ZFP1: variants seen among roughly 807,000 people sequenced by gnomAD.
The protein encoded by ZFP1 is zinc finger protein 1 homolog.
Under a neutral mutation model 38.5 loss-of-function variants are expected in ZFP1, and 32 were observed. That is an observed-to-expected ratio of 0.83 (90% CI 0.63 to 1.12). The LOEUF is 1.12. ZFP1 is among the 50% of genes most tolerant of loss of function. The probability of loss-of-function intolerance (pLI) is 0.00; values close to 1 mark genes in which losing one functional copy is unlikely to be tolerated. For synonymous variants in ZFP1, 245 were observed against 168.8 expected (o/e 1.45, Z -3.50); for missense variants, 616 against 480.8 (o/e 1.28, Z -2.63).
At chr16:75,136,700 C>G in the ZFP1 span, among the ~76,000 whole-genome samples, 1 of 151,912 alleles carries the variant, frequency 6.6e-6, no homozygotes, top group Non-Finnish European at 1.5e-5. Context: ...GAAACCCCAT[C>G]TCCACAAAAA....
chr16:75,143,311 G>T, the ZFP1 span, among the ~76,000 whole-genome samples: 1 of 151,740 alleles, frequency 6.6e-6, no homozygotes. Flanking sequence ...GTGTGATCTG[G>T]GCTCACTGCC....
At position 75,166,037 on chromosome 16, in the gene ZFP1, TGA is replaced by T. The variant is rs559120752; in HGVS notation, c.16-731_16-730del. 7.5e-3 allele frequency among the ~76,000 whole-genome samples: 1,140 copies of T among 152,328 alleles called. 10 individuals are homozygous for T. Among genetic ancestry groups the T allele is most frequent in the Middle Eastern group, 0.027 (8 of 294 alleles). On this transcript the variant is annotated intron_variant, in intron 2 of 3. Transcript: ENST00000570010. ...TTTTCTACCATTTTTATGGCTTGAA[TGA>T]GGGGATGGAAGGACAGAGATCCTTA...
chr16:75,139,262 G>A, the ZFP1 span, among the ~76,000 whole-genome samples: 2 of 150,758 alleles, frequency 1.3e-5, no homozygotes, highest in African/African-American at 2.4e-5. Flanking sequence ...CCAGCTACTC[G>A]GGAGGCTGAG....
chr16:75,166,254 A>G (rs998842398), intron 2 of ZFP1, among the ~76,000 whole-genome samples: 2 of 152,158 alleles, frequency 1.3e-5, no homozygotes, highest in African/African-American at 4.8e-5. Flanking sequence ...TTATTTTTTG[A>G]GACAGTCTTA....
At chr16:75,119,664 G>T in the ZFP1 span, 1 of 152,170 alleles carries the variant, frequency 6.6e-6, no homozygotes, top group Non-Finnish European at 1.5e-5. Flanking sequence ...CCACTAGAAA[G>T]CTTAGTAATC....
chr16:75,127,397 GA>G, the ZFP1 span, among the ~76,000 whole-genome samples: 2 of 151,988 alleles, frequency 1.3e-5, no homozygotes, highest in African/African-American at 4.8e-5. Context: ...CTCTGTCTCA[GA>G]AAAAAAGCAT....
chr16:75,170,089 A>G lies in ZFP1; in HGVS notation c.979A>G (p.Ser327Gly). Residue 327 changes from serine (S) to glycine (G), a missense_variant, in exon 4 of 4, where the codon AGT becomes GGT. Transcript: ENST00000570010. ...CACGGGGGAGAAACGCTATGAGTGC[A>G]GTGAATGTGGAAAATCCTTTATCCA... ...IHTGEKRYEC[S>G]ECGKSFIQNS... 1.9e-6 allele frequency: 3 copies of G among 1,614,130 alleles called. No homozygotes were observed. The highest frequency in any genetic ancestry group is 1.7e-6 in the Non-Finnish European group (2 of 1,179,992).
At chr16:75,149,557 C>CTTTTTTTTTTTTTTTTTTTTT (rs34371791) in intron 1 of ZFP1, among the ~76,000 whole-genome samples, 6 of 101,792 alleles carry the variant, frequency 5.9e-5, no homozygotes, top group Non-Finnish European at 9.3e-5. Flanking sequence ...TCTTTACTTT[C>CTTTTTTTTTTTTTTTTTTTTT]TTTTTTTTTT....
chr16:75,166,983 C>CT, intron 3 of ZFP1, 87 bp downstream of exon 3: 1 of 1,530,980 alleles, frequency 6.5e-7, no homozygotes, highest in Non-Finnish European at 8.8e-7. Flanking sequence ...TTCTGAATTA[C>CT]TAAATGTTTT....
At chr16:75,152,628 C>T (rs1242644452) in intron 1 of ZFP1, among the ~76,000 whole-genome samples, 1 of 152,174 alleles carries the variant, frequency 6.6e-6, no homozygotes, top group Admixed American at 6.5e-5. Flanking sequence ...GTGTTAAATG[C>T]CCTGTCTGAT....
At position 75,171,867 on chromosome 16, in the gene ZFP1, A is replaced by G. The variant is rs1007360150; in HGVS notation, c.*1533A>G. 1.3e-5 allele frequency: 2 copies of G among 152,122 alleles called. No homozygotes were observed. Among genetic ancestry groups the G allele is most frequent in the African/African-American group, 4.8e-5 (2 of 41,446 alleles). 9.4% of individuals were successfully genotyped at this position (152,122 alleles called of 1,614,324 possible). ...TTCATAGCTGCTTTTAGAAATGTAA[A>G]TTGTAACAGCCTCCTTGGACAACAT... is the stretch of plus-strand genomic sequence containing the variant. On this transcript the variant is annotated 3_prime_UTR_variant, in exon 4 of 4. Transcript: ENST00000570010.
At chr16:75,150,933 A>G (rs796148682) in intron 1 of ZFP1, among the ~76,000 whole-genome samples, 24 of 152,228 alleles carry the variant, frequency 1.6e-4, no homozygotes, top group African/African-American at 5.8e-4. Context: ...CAGCCTCCCG[A>G]GTAGCTAGGA....
the ZFP1 span, among the ~76,000 whole-genome samples, chr16:75,131,566 G>T: frequency 6.6e-6 from 1 of 151,804 alleles, no homozygotes; most frequent in African/African-American, 2.4e-5. Context: ...ATCCTAGCTG[G>T]GTACACACTC....
intron 2 of ZFP1, among the ~76,000 whole-genome samples, chr16:75,153,443 C>G (rs532287366): frequency 6.6e-6 from 1 of 152,164 alleles, no homozygotes; most frequent in Non-Finnish European, 1.5e-5. Context: ...CTTTCCAGAG[C>G]TTATTTGTAC....
chr16:75,152,783 A>G lies in ZFP1; in HGVS notation c.-43-126A>G, dbSNP rs2037272832. 5 of 792,260 alleles carry G rather than the reference A, an allele frequency of 6.3e-6. No individual in the cohort carries two copies. The South Asian group carries it at 9.5e-5, about 15-fold the overall frequency. 49.1% of individuals were successfully genotyped at this position (792,260 alleles called of 1,614,324 possible). ...CTTTTCTGCCCCTTCTGAAGAGGCAAAGGGACTTTCCCAGGAGGTGGTATT... is the reference window on the plus strand; with the variant it reads ...CTTTTCTGCCCCTTCTGAAGAGGCAGAGGGACTTTCCCAGGAGGTGGTATT... On this transcript the variant is annotated intron_variant, in intron 1 of 3. Transcript: ENST00000570010.
chr16:75,140,997 C>G, the ZFP1 span, among the ~76,000 whole-genome samples: 2 of 151,988 alleles, frequency 1.3e-5, no homozygotes, highest in South Asian at 2.1e-4. Flanking sequence ...CTAAACTTGT[C>G]ATTCAGAACC....
chr16:75,157,617 C>T (rs1245522237), intron 2 of ZFP1, among the ~76,000 whole-genome samples: 1 of 152,084 alleles, frequency 6.6e-6, no homozygotes, highest in Non-Finnish European at 1.5e-5. Flanking sequence ...TTAGTTCTGT[C>T]AGGCTTGATA....
In ZFP1 at chr16:75,166,762, C is replaced by T. The variant is rs1404899594; in HGVS notation, c.16-8C>T. 1.9e-6 allele frequency: 3 copies of T among 1,614,086 alleles called. No homozygotes were observed. The highest frequency in any genetic ancestry group is 4.5e-5 in the East Asian group (2 of 44,864). ...CATCTTAGGATGAATAACAATATGC[C>T]ATTTCAGGGATCAGTTTCATTCACG... On this transcript the variant is annotated splice_region_variant and splice_polypyrimidine_tract_variant and intron_variant, in intron 2 of 3. Transcript: ENST00000570010.
upstream of ZFP1, among the ~76,000 whole-genome samples, chr16:75,145,815 TG>T (rs1347406936): frequency 6.6e-5 from 10 of 152,202 alleles, no homozygotes; most frequent in Non-Finnish European, 7.3e-5. Context: ...CAAGTCCATG[TG>T]ACCTGATCCT....
Sources: gnomAD v4.1 joint callset for allele counts (sites outside exome capture counted in the v4.1 genomes callset) on GRCh38, gnomAD v4.1.1 for gene constraint, MANE v1.5 for transcripts, NCBI Gene and HGNC (gene_info 2026-07-23, HGNC 2026-07-21) for gene names.